Variants in SLC22A14 observed in about 807,000 individuals in gnomAD.
SLC22A14 encodes the protein solute carrier family 22 member 14, also known as organic cation transporter-like 4.
In SLC22A14, 50 loss-of-function variants were observed where a neutral mutation model predicts 53.9. That is an observed-to-expected ratio of 0.93 (90% confidence interval 0.74 to 1.17). The LOEUF (loss-of-function observed/expected upper bound fraction) is 1.17, where lower values mean the gene tolerates loss of function less well. Ranked by LOEUF, SLC22A14 falls within the 50% of genes most tolerant of loss-of-function variation. The pLI is 0.00. For synonymous variants in SLC22A14, 312 were observed against 303.0 expected, an observed-to-expected ratio of 1.03 and a Z score of -0.31; for missense variants, 671 against 734.7, an observed-to-expected ratio of 0.91 and a Z score of 1.00.
intron 1 of SLC22A14, among the ~76,000 whole-genome samples, chr3:38,293,910 G>T (rs969142644): frequency 6.6e-6 from 1 of 152,128 alleles, no homozygotes; most frequent in Non-Finnish European, 1.5e-5. Context: ...GGTTAATGTC[G>T]GATTTAGCAG....
chr3:38,295,464 T>C (rs1704010762), intron 1 of SLC22A14, among the ~76,000 whole-genome samples: 1 of 152,194 alleles, frequency 6.6e-6, no homozygotes, highest in Non-Finnish European at 1.5e-5. Context: ...GGTTACTGGG[T>C]TAAGGATTTT....
chr3:38,286,943 G>A (rs1437869895), intron 1 of SLC22A14, among the ~76,000 whole-genome samples: 3 of 151,560 alleles, frequency 2.0e-5, no homozygotes, highest in African/African-American at 7.3e-5. Flanking sequence ...CACCACATTG[G>A]CCAGGCTGGT....
chr3:38,318,214 A>T lies in SLC22A14; in HGVS notation c.1750A>T (p.Met584Leu), dbSNP rs771165247. The T allele has an allele frequency of 6.2e-7, 1 of 1,614,080 alleles. No individual in the cohort carries two copies. The highest frequency in any genetic ancestry group is 2.2e-5 in the East Asian group (1 of 44,882). The change falls in exon 11 of 11, where the codon ATG (methionine) becomes TTG (leucine). Residue 584 changes from methionine to leucine, a missense_variant. Physicochemically the swap from Met to Leu is conservative, Grantham distance 15. Transcript: ENST00000448498. ...SSQIRNKVKD[M>L]KTKETSSDDV ...CTCTTTCAGGAATAAGGTCAAGGAC[A>T]TGAAGACTAAGGAAACATCATCTGA...
intron 1 of SLC22A14, among the ~76,000 whole-genome samples, chr3:38,294,461 G>A (rs971822805): frequency 6.6e-6 from 1 of 152,120 alleles, no homozygotes; most frequent in Non-Finnish European, 1.5e-5. Flanking sequence ...AAGAAAATAA[G>A]TCATTTCTTT....
intron 5 of SLC22A14, among the ~76,000 whole-genome samples, chr3:38,311,280 G>A (rs1267979362): frequency 6.6e-6 from 1 of 152,170 alleles, no homozygotes; most frequent in Non-Finnish European, 1.5e-5. Flanking sequence ...CCTAGGCTTT[G>A]GCAGTCTGGG....
At chr3:38,314,109 A>G (rs764535037) in intron 8 of SLC22A14, among the ~76,000 whole-genome samples, 168 bp downstream of exon 8, 39 of 151,698 alleles carry the variant, frequency 2.6e-4, no homozygotes, top group Non-Finnish European at 3.8e-4. Context: ...TCCCTGGAGC[A>G]CTGCTCTTCC....
At chr3:38,280,644 T>G (rs934030380), upstream of SLC22A14, among the ~76,000 whole-genome samples, 1 of 151,900 alleles carries the variant, frequency 6.6e-6, no homozygotes, top group African/African-American at 2.4e-5. Context: ...TTTTTTTTTT[T>G]TTGAAAAGGA....
At chr3:38,317,269 C>T (rs1161741259) in intron 10 of SLC22A14, among the ~76,000 whole-genome samples, 3 of 152,208 alleles carry the variant, frequency 2.0e-5, no homozygotes, top group Non-Finnish European at 4.4e-5. Context: ...CCCTGCCCTC[C>T]CTCCCTGCTC....
At chr3:38,308,807 TCTGGACCCAGTGCA>T (rs1704386572) in intron 4 of SLC22A14, 133 bp from the exon 5 acceptor site, 1 of 741,344 alleles carries the variant, frequency 1.3e-6, no homozygotes, top group South Asian at 1.7e-5. Flanking sequence ...AGGGGCTGTC[TCTGGACCCAGTGCA>T]GAGACGAGCA....
chr3:38,293,981 A>G (rs1422565197), intron 1 of SLC22A14, among the ~76,000 whole-genome samples: 5 of 152,184 alleles, frequency 3.3e-5, no homozygotes, highest in African/African-American at 7.2e-5. Flanking sequence ...AAACATCAAT[A>G]TAGCCATCTG....
intron 1 of SLC22A14, chr3:38,305,751 A>G (rs1303767484): frequency 3.7e-5 from 16 of 434,748 alleles, no homozygotes; most frequent in Non-Finnish European, 8.1e-6. Context: ...GTTGTAGGAG[A>G]GTTCCTAAGA....
chr3:38,284,219 C>A (rs1447925406), intron 1 of SLC22A14, among the ~76,000 whole-genome samples: 2 of 152,208 alleles, frequency 1.3e-5, no homozygotes, highest in Non-Finnish European at 2.9e-5. Context: ...CAGCTCTTCT[C>A]CATCCCTGTC....
At chr3:38,303,123 A>AT (rs1210268217) in intron 1 of SLC22A14, among the ~76,000 whole-genome samples, 2 of 151,714 alleles carry the variant, frequency 1.3e-5, no homozygotes, top group South Asian at 4.2e-4. Flanking sequence ...TTTTTATTTT[A>AT]TTTTTTACAT....
chr3:38,286,376 C>T (rs1346054241), intron 1 of SLC22A14, among the ~76,000 whole-genome samples: 2 of 151,890 alleles, frequency 1.3e-5, no homozygotes, highest in African/African-American at 2.4e-5. Flanking sequence ...GTTTCCTCTT[C>T]GTAAAATACC....
At chr3:38,297,210 T>C (rs190805452) in intron 1 of SLC22A14, among the ~76,000 whole-genome samples, 1 of 152,324 alleles carries the variant, frequency 6.6e-6, no homozygotes, top group African/African-American at 2.4e-5. Flanking sequence ...ACTACCTGTT[T>C]GGTCAGGTAT....
At chr3:38,284,053 T>C (rs921655343) in intron 1 of SLC22A14, among the ~76,000 whole-genome samples, 4 of 152,172 alleles carry the variant, frequency 2.6e-5, no homozygotes, top group African/African-American at 9.7e-5. Flanking sequence ...AAGGGAAATG[T>C]GTCTGCAGGC....
At chr3:38,316,654 T>G (rs1484388467) in intron 10 of SLC22A14, 130 bp downstream of exon 10, 12 of 772,020 alleles carry the variant, frequency 1.6e-5, no homozygotes, top group African/African-American at 3.5e-5. Flanking sequence ...GGCTGCCATG[T>G]CCGCAGCAGT....
intron 1 of SLC22A14, among the ~76,000 whole-genome samples, chr3:38,300,845 CTCT>C (rs1159732020): frequency 2.6e-5 from 4 of 152,148 alleles, no homozygotes; most frequent in African/African-American, 9.7e-5. Flanking sequence ...ATGCCAAACA[CTCT>C]TCTTAAATAT....
At position 38,307,611 on chromosome 3, in the gene SLC22A14, C is replaced by A; in HGVS notation, c.666C>A (p.Ile222=). 1 of 1,614,226 alleles carries A rather than the reference C, an allele frequency of 6.2e-7. No homozygotes were observed. The highest frequency in any genetic ancestry group is 1.3e-5 in the African/African-American group (1 of 75,060). ...PAILLSLLGL[I]IFGFGTAFMN... ...TCCTGCTGTCACTGCTGGGGCTGAT[C>A]ATCTTCGGCTTTGGGACAGCCTTCA... The change falls in exon 4 of 11, where the codon ATC becomes ATA. Residue 222 remains isoleucine (I), a synonymous_variant. Transcript: ENST00000448498. The surrounding 1 kb of genome is among the most constrained non-coding windows in gnomAD (Gnocchi z 4.4).
Sources: gnomAD v4.1 joint callset for allele counts (sites outside exome capture counted in the v4.1 genomes callset) on GRCh38, gnomAD v4.1.1 for gene constraint, Gnocchi (gnomAD v3.1) non-coding constraint, MANE v1.5 for transcripts, NCBI Gene and HGNC (gene_info 2026-07-23, HGNC 2026-07-21) for gene names.